AOPEP: variants seen among roughly 807,000 people sequenced by gnomAD.
The protein encoded by AOPEP is aminopeptidase O.
Under a neutral mutation model 98.1 loss-of-function variants are expected in AOPEP, and 77 were observed. The ratio of observed to expected loss-of-function variants is 0.78; its 90% confidence interval spans 0.65 to 0.95. AOPEP has a LOEUF of 0.95. Ranked by LOEUF, AOPEP falls within the 40% of genes least tolerant of loss-of-function variation. The pLI, the probability that AOPEP is intolerant of heterozygous loss-of-function variation, is 0.00. For synonymous variants in AOPEP, 346 were observed against 365.3 expected, an observed-to-expected ratio of 0.95 and a Z score of 0.60; for missense variants, 1,024 against 1,024.7, an observed-to-expected ratio of 1.00 and a Z score of 0.01.
the AOPEP span, among the ~76,000 whole-genome samples, chr9:95,095,374 G>T: frequency 1.4e-3 from 211 of 152,272 alleles, 1 homozygote; most frequent in African/African-American, 4.9e-3. Flanking sequence ...CTTCTGCCAC[G>T]CTGTGGAAAA....
chr9:95,010,368 G>T (rs1327870809), intron 13 of AOPEP, among the ~76,000 whole-genome samples: 1 of 152,090 alleles, frequency 6.6e-6, no homozygotes, highest in Non-Finnish European at 1.5e-5. Context: ...GGTGACTGTG[G>T]TAGGCTTGAC....
intron 5 of AOPEP, among the ~76,000 whole-genome samples, chr9:94,918,859 C>T (rs1043396847): frequency 4.0e-5 from 6 of 151,522 alleles, no homozygotes; most frequent in Non-Finnish European, 8.8e-5. Flanking sequence ...ACATTTGAGT[C>T]AAAATTCATT....
At chr9:95,138,259 T>G in the AOPEP span, among the ~76,000 whole-genome samples, 1 of 152,034 alleles carries the variant, frequency 6.6e-6, no homozygotes, top group Non-Finnish European at 1.5e-5. Flanking sequence ...TGAGGAGGGG[T>G]GCAAGAAGCC....
In AOPEP at chr9:94,809,080, T is replaced by G. The variant is rs1588323071; in HGVS notation, c.1364+8078T>G. Reference sequence around the variant, plus strand: ...TGTATCAACGGACAGGTGTGATGAATGCTGATGATGCTGTGGCCATGAGGA... The same window carrying G: ...TGTATCAACGGACAGGTGTGATGAAGGCTGATGATGCTGTGGCCATGAGGA... On this transcript the variant is annotated intron_variant, in intron 5 of 16. Transcript: ENST00000375315. Among the ~76,000 whole-genome samples the G allele has an allele frequency of 2.6e-5, 4 of 152,202 alleles. No homozygotes were observed. The East Asian group carries it at 7.7e-4, about 29-fold the overall frequency.
chr9:95,077,432 AAG>A (rs1438612400), intron 14 of AOPEP, among the ~76,000 whole-genome samples: 4 of 152,192 alleles, frequency 2.6e-5, no homozygotes, highest in African/African-American at 9.6e-5. Flanking sequence ...TGGCGACCAG[AAG>A]AGACAGTGAG....
At chr9:94,984,329 G>A (rs548908635) in intron 11 of AOPEP, among the ~76,000 whole-genome samples, 147 of 152,156 alleles carry the variant, frequency 9.7e-4, no homozygotes, top group Non-Finnish European at 1.4e-3. Flanking sequence ...GCACCTAGCC[G>A]GAGCTGATTT....
At chr9:94,950,959 A>G (rs2058058916) in intron 7 of AOPEP, among the ~76,000 whole-genome samples, 1 of 152,194 alleles carries the variant, frequency 6.6e-6, no homozygotes, top group Non-Finnish European at 1.5e-5. Flanking sequence ...AAATCAAATC[A>G]TTATGTATCA....
intron 1 of AOPEP, among the ~76,000 whole-genome samples, chr9:94,744,701 C>CAAAAAAAAAAAAAAAAAAAA (rs757571360): frequency 1.8e-5 from 1 of 56,070 alleles, no homozygotes; most frequent in Non-Finnish European, 3.9e-5. Context: ...GACTCTGTCT[C>CAAAAAAAAAAAAAAAAAAAA]AAAAAAAAAA....
intron 16 of AOPEP, among the ~76,000 whole-genome samples, chr9:95,083,614 G>T (rs530968100): frequency 2.8e-5 from 4 of 141,028 alleles, no homozygotes; most frequent in African/African-American, 1.1e-4. Context: ...CACACGTAGC[G>T]CGCACACTGC....
chr9:94,860,676 C>T (rs1305978241), intron 5 of AOPEP, among the ~76,000 whole-genome samples: 1 of 152,098 alleles, frequency 6.6e-6, no homozygotes, highest in East Asian at 1.9e-4. Flanking sequence ...TCAAGGGTGA[C>T]TCCCGAGTTT....
intron 10 of AOPEP, among the ~76,000 whole-genome samples, chr9:94,976,011 T>C (rs1245648750): frequency 1.3e-5 from 2 of 152,232 alleles, no homozygotes; most frequent in Non-Finnish European, 2.9e-5. Context: ...CAGTCATGCA[T>C]GGCCTTCTTA....
chr9:95,064,750 A>G (rs1448679456), intron 14 of AOPEP, among the ~76,000 whole-genome samples: 1 of 151,960 alleles, frequency 6.6e-6, no homozygotes, highest in East Asian at 1.9e-4. Context: ...TGAGTCCAGC[A>G]ACACAATCAT....
intron 5 of AOPEP, among the ~76,000 whole-genome samples, chr9:94,810,370 A>T (rs1477283442): frequency 1.3e-5 from 2 of 150,018 alleles, no homozygotes; most frequent in Admixed American, 6.6e-5. Context: ...GCTGTAGTGC[A>T]GTGGCGCAAT....
At position 94,937,414 on chromosome 9, in the gene AOPEP, C is replaced by G. The variant is rs1001089759; in HGVS notation, c.1661+8883C>G. ...CTTAATCTGCTCTTCCTAAAGGACA[C>G]TAGTCACATTGGAATAGGCCCACCC... is the stretch of plus-strand genomic sequence containing the variant. On this transcript the variant is annotated intron_variant, in intron 7 of 16. Coordinates refer to ENST00000375315, the MANE Select transcript of AOPEP (RefSeq NM_001193329.3). Among the ~76,000 whole-genome samples the G allele has an allele frequency of 3.3e-5, 5 of 152,334 alleles. No homozygotes were observed. In the South Asian group the frequency reaches 8.3e-4, roughly 25 times the overall value.
chr9:94,935,623 C>A (rs969369726), intron 7 of AOPEP, among the ~76,000 whole-genome samples: 1 of 152,158 alleles, frequency 6.6e-6, no homozygotes, highest in Non-Finnish European at 1.5e-5. Context: ...TCCATGTGTT[C>A]ACAGGAAAGA....
chr9:94,728,943 G>T (rs1193585212), intron 1 of AOPEP, among the ~76,000 whole-genome samples: 1 of 152,242 alleles, frequency 6.6e-6, no homozygotes, highest in Non-Finnish European at 1.5e-5. Flanking sequence ...TTGGGATAGG[G>T]ATTGAGGAAA....
chr9:94,907,941 T>C (rs2136369933), intron 5 of AOPEP, among the ~76,000 whole-genome samples: 1 of 152,332 alleles, frequency 6.6e-6, no homozygotes, highest in East Asian at 1.9e-4. Context: ...CTCTATTCTT[T>C]GAACTGCTGG....
intron 5 of AOPEP, among the ~76,000 whole-genome samples, chr9:94,876,878 T>C (rs964856102): frequency 6.6e-6 from 1 of 152,164 alleles, no homozygotes; most frequent in Non-Finnish European, 1.5e-5. Flanking sequence ...TATATTGTTA[T>C]CCACCTTTCA....
chr9:95,120,874 T>C, the AOPEP span, among the ~76,000 whole-genome samples: 1 of 152,224 alleles, frequency 6.6e-6, no homozygotes. Flanking sequence ...TTCCCCTCAA[T>C]TTTTTTGTTC....
Sources: allele counts gnomAD v4.1 joint callset (sites outside exome capture counted in the v4.1 genomes callset), GRCh38; gene constraint gnomAD v4.1.1; transcripts MANE v1.5; gene names NCBI Gene and HGNC (gene_info 2026-07-23, HGNC 2026-07-21).